The following PDE1A variants were observed in gnomAD, a reference collection of about 807,000 sequenced individuals.
The protein encoded by PDE1A is dual specificity calcium/calmodulin-dependent 3',5'-cyclic nucleotide phosphodiesterase 1A.
Under a neutral mutation model 61.7 loss-of-function variants are expected in PDE1A, and 35 were observed. The observed-to-expected ratio is 0.57, with a 90% CI of 0.43 to 0.75. The LOEUF (loss-of-function observed/expected upper bound fraction) is 0.75, where lower values mean the gene tolerates loss of function less well. Among genes scored for constraint, PDE1A ranks in the 30% least tolerant of loss-of-function variants. PDE1A has a pLI of 0.00. For missense variants in PDE1A, 597 were observed against 630.6 expected (o/e 0.95, Z 0.57); for synonymous variants, 232 against 213.2 (o/e 1.09, Z -0.77).
the PDE1A span, among the ~76,000 whole-genome samples, chr2:182,674,512 G>A: frequency 1.3e-5 from 2 of 151,936 alleles, no homozygotes; most frequent in African/African-American, 4.8e-5. Flanking sequence ...ATCTTAGAAT[G>A]CAGGGCCTAG....
upstream of PDE1A, among the ~76,000 whole-genome samples, chr2:182,525,825 A>G (rs1690767783): frequency 6.6e-6 from 1 of 152,240 alleles, no homozygotes; most frequent in Non-Finnish European, 1.5e-5. Flanking sequence ...CTCAATGACA[A>G]AGATAAATGA....
chr2:182,493,917 T>C (rs6760589), intron 2 of PDE1A, among the ~76,000 whole-genome samples: 63,458 of 152,036 alleles, frequency 0.42, 13,531 homozygotes, highest in African/African-American at 0.47. Context: ...TGGGATTACA[T>C]GTGTGAACCA....
intron 10 of PDE1A, among the ~76,000 whole-genome samples, chr2:182,197,700 A>C (rs1177992919): frequency 6.6e-6 from 1 of 151,826 alleles, no homozygotes; most frequent in African/African-American, 2.4e-5. Context: ...TAAAGATCAC[A>C]TGACATTATA....
chr2:182,680,025 C>A, the PDE1A span, among the ~76,000 whole-genome samples: 50 of 152,102 alleles, frequency 3.3e-4, 1 homozygote, highest in South Asian at 0.01. Context: ...ATTGAATGCC[C>A]AGAAATAGAA....
intron 2 of PDE1A, among the ~76,000 whole-genome samples, chr2:182,463,363 CA>C (rs1574720326): frequency 6.6e-6 from 1 of 152,110 alleles, no homozygotes; most frequent in Non-Finnish European, 1.5e-5. Flanking sequence ...GTTAGACTCT[CA>C]CCCCCTGGAA....
intron 2 of PDE1A, among the ~76,000 whole-genome samples, chr2:182,513,886 A>G (rs1689974279): frequency 6.6e-6 from 1 of 152,366 alleles, no homozygotes; most frequent in East Asian, 1.9e-4. Context: ...CAATTCAGTA[A>G]GAAGACTTAA....
intron 2 of PDE1A, among the ~76,000 whole-genome samples, chr2:182,253,523 CCTT>C (rs1691558286): frequency 6.6e-6 from 1 of 152,104 alleles, no homozygotes; most frequent in African/African-American, 2.4e-5. Context: ...GAAGAGGAAA[CCTT>C]CTGCCAACAC....
chr2:182,407,466 C>T (rs563713669), intron 1 of PDE1A, among the ~76,000 whole-genome samples: 1 of 152,212 alleles, frequency 6.6e-6, no homozygotes, highest in Admixed American at 6.5e-5. Context: ...ACTGCAACCT[C>T]TGTCTCCCAG....
intron 1 of PDE1A, among the ~76,000 whole-genome samples, chr2:182,285,405 G>A (rs949891066): frequency 1.3e-5 from 2 of 151,890 alleles, no homozygotes; most frequent in Non-Finnish European, 2.9e-5. Context: ...TACCAAATTT[G>A]CTAACCACTA....
chr2:182,260,345 C>T (rs1276246965), intron 2 of PDE1A, among the ~76,000 whole-genome samples: 1 of 152,122 alleles, frequency 6.6e-6, no homozygotes, highest in Non-Finnish European at 1.5e-5. Flanking sequence ...CAACTAAATG[C>T]TTCTTGGACC....
At chr2:182,270,771 GA>G (rs1455047844) in intron 1 of PDE1A, among the ~76,000 whole-genome samples, 11 of 151,462 alleles carry the variant, frequency 7.3e-5, no homozygotes, top group Non-Finnish European at 1.3e-4. Flanking sequence ...AGAAGCGCAT[GA>G]AATCGCATAA....
At chr2:182,389,171 G>A (rs1019831256) in intron 1 of PDE1A, among the ~76,000 whole-genome samples, 1 of 152,132 alleles carries the variant, frequency 6.6e-6, no homozygotes, top group African/African-American at 2.4e-5. Flanking sequence ...AGAATCTTGA[G>A]AATTTAACTG....
chr2:182,615,473 C>A, the PDE1A span, among the ~76,000 whole-genome samples: 1 of 152,078 alleles, frequency 6.6e-6, no homozygotes, highest in Non-Finnish European at 1.5e-5. Flanking sequence ...AACCCAGAAA[C>A]AATATAAGAC....
At chr2:182,678,017 A>T in the PDE1A span, among the ~76,000 whole-genome samples, 1 of 152,258 alleles carries the variant, frequency 6.6e-6, no homozygotes, top group South Asian at 2.1e-4. Context: ...AGGAGCATAT[A>T]ATAAGGAAAT....
the PDE1A span, among the ~76,000 whole-genome samples, chr2:182,561,855 T>A: frequency 4.6e-5 from 7 of 152,178 alleles, no homozygotes; most frequent in South Asian, 2.1e-4. Context: ...TGGCTCTCTG[T>A]TTGTCTGTTA....
chr2:182,578,595 C>T, the PDE1A span, among the ~76,000 whole-genome samples: 1 of 152,238 alleles, frequency 6.6e-6, no homozygotes, highest in East Asian at 1.9e-4. Context: ...GGAAACAAAC[C>T]AAAGTTCATC....
chr2:182,313,550 A>G (rs1022862193), intron 1 of PDE1A, among the ~76,000 whole-genome samples: 1 of 152,174 alleles, frequency 6.6e-6, no homozygotes, highest in Non-Finnish European at 1.5e-5. Context: ...TCCAGACCAC[A>G]TTGAATAGCA....
chr2:182,390,932 G>A (rs1156450160), intron 1 of PDE1A, among the ~76,000 whole-genome samples: 1 of 152,180 alleles, frequency 6.6e-6, no homozygotes, highest in Non-Finnish European at 1.5e-5. Context: ...TGCCATGCCA[G>A]ACAATGCTGA....
the PDE1A span, among the ~76,000 whole-genome samples, chr2:182,565,856 G>C: frequency 6.6e-6 from 1 of 151,990 alleles, no homozygotes; most frequent in Admixed American, 6.6e-5. Context: ...AAACAACTCA[G>C]CTCCTTAATC....
Sources: gnomAD v4.1 joint callset for allele counts (sites outside exome capture counted in the v4.1 genomes callset) on GRCh38, gnomAD v4.1.1 for gene constraint, MANE v1.5 for transcripts, NCBI Gene and HGNC (gene_info 2026-07-23, HGNC 2026-07-21) for gene names.